Variants in CCNL1 observed in about 807,000 individuals in gnomAD.
The protein encoded by CCNL1 is cyclin L1, also known as cyclin-L1.
CCNL1 carries 13 observed loss-of-function variants against 60.6 expected under a neutral mutation model. The observed-to-expected ratio is 0.21, with a 90% CI of 0.14 to 0.34. The LOEUF is 0.34. CCNL1 is among the 10% of genes least tolerant of loss of function. The pLI, the probability that CCNL1 is intolerant of heterozygous loss-of-function variation, is 1.00. For missense variants in CCNL1, 481 were observed against 664.3 expected (o/e 0.72, Z 3.03); for synonymous variants, 270 against 244.3 (o/e 1.10, Z -0.98).
Position 157,152,474 on chromosome 3 carries a change from G to T in CCNL1, c.610-233C>A, listed in dbSNP as rs1483891630. The stretch of plus-strand genomic sequence containing the variant: ...TGTACAGGAAAAAAGGCAATTAAAA[G>T]AATATTTTTCATTGGCACTTTACTA... On this transcript the variant is annotated intron_variant, in intron 4 of 10. Coordinates refer to ENST00000295926, the MANE Select transcript of CCNL1 (RefSeq NM_020307.4). The T allele has an allele frequency of 5.7e-6, 7 of 1,219,588 alleles. No homozygotes were observed. The South Asian group carries it at 7.0e-5, about 12-fold the overall frequency. 75.5% of individuals were successfully genotyped at this position (1,219,588 alleles called of 1,614,324 possible).
chr3:157,147,746 A>T lies in CCNL1; in HGVS notation c.*495T>A, dbSNP rs1737842727. 2 of 984,096 alleles carry T rather than the reference A, an allele frequency of 2.0e-6. No individual in the cohort carries two copies. 61.0% of individuals were successfully genotyped at this position (984,096 alleles called of 1,614,324 possible). ...AGAAAACCAGTACAGCCATTTTGCT[A>T]TTAAAATTTTCCTTTTTAATAATTT... On this transcript the variant is annotated 3_prime_UTR_variant, in exon 11 of 11. Coordinates refer to ENST00000295926, the MANE Select transcript of CCNL1 (RefSeq NM_020307.4).
downstream of CCNL1, among the ~76,000 whole-genome samples, chr3:157,145,466 C>CAAAAAAAAAAAAAAAAAAAAAAAA (rs1737755942): frequency 1.2e-4 from 11 of 88,966 alleles, no homozygotes; most frequent in African/African-American, 3.7e-4. Context: ...AAAAAAAAAC[C>CAAAAAAAAAAAAAAAAAAAAAAAA]AAAACGGGAT....
At chr3:157,159,719 G>C (rs1488836278) in intron 1 of CCNL1, 73 bp downstream of exon 1, 2 of 1,323,102 alleles carry the variant, frequency 1.5e-6, no homozygotes, top group African/African-American at 1.5e-5. Context: ...GGGGCACGGT[G>C]ATACTGAGAT....
chr3:157,146,600 C>A (rs559072494), downstream of CCNL1: 97 of 384,500 alleles, frequency 2.5e-4, no homozygotes, highest in African/African-American at 2.2e-3. Flanking sequence ...CGTAGCAAGA[C>A]CTCGTCTCTA....
chr3:157,157,736 A>G (rs192110628), intron 3 of CCNL1, among the ~76,000 whole-genome samples: 6 of 152,334 alleles, frequency 3.9e-5, no homozygotes, highest in Non-Finnish European at 7.4e-5. Flanking sequence ...ATGTAGGAAA[A>G]CTGTTGCAGA....
intron 3 of CCNL1, chr3:157,153,582 C>T (rs1738361509): frequency 6.5e-6 from 1 of 155,022 alleles, no homozygotes; most frequent in African/African-American, 2.4e-5. Context: ...TCAGAACTTA[C>T]TAATATCAGT....
Position 157,152,156 on chromosome 3 carries a change from A to G in CCNL1, c.674+21T>C, listed in dbSNP as rs754210894. ...GCTTCTGTTTTCCTGGCTAGGAAAGAAATCTAAAAAAGTGACTTACCAGGC... is the reference window on the plus strand; with the variant it reads ...GCTTCTGTTTTCCTGGCTAGGAAAGGAATCTAAAAAAGTGACTTACCAGGC... On this transcript the variant is annotated intron_variant, in intron 5 of 10. Transcript: ENST00000295926. 3 of 1,605,904 alleles carry G rather than the reference A, an allele frequency of 1.9e-6. No individual in the cohort carries two copies. The Admixed American group carries it at 5.2e-5, about 28-fold the overall frequency.
At chr3:157,155,088 G>T (rs543052663) in intron 3 of CCNL1, among the ~76,000 whole-genome samples, 8 of 152,102 alleles carry the variant, frequency 5.3e-5, no homozygotes, top group African/African-American at 1.7e-4. Context: ...TTATCTAATG[G>T]CTCTCCTTAA....
chr3:157,147,268 TGTGA>T (rs1443158798), downstream of CCNL1, among the ~76,000 whole-genome samples: 1 of 152,202 alleles, frequency 6.6e-6, no homozygotes, highest in East Asian at 1.9e-4. Flanking sequence ...AAATAGTAAA[TGTGA>T]GTAACTTGAA....
At position 157,149,830 on chromosome 3, in the gene CCNL1, T is replaced by C; in HGVS notation, c.1021+6A>G. ...CCAAGTCATTTTAATTCTAAATACA[T>C]CTTACATGGCTTGGAGGCTGGAGAA... is the stretch of plus-strand genomic sequence containing the variant. On this transcript the variant is annotated splice_donor_region_variant and intron_variant, in intron 8 of 10. Coordinates refer to ENST00000295926, the MANE Select transcript of CCNL1 (RefSeq NM_020307.4). 6.2e-7 allele frequency: 1 copy of C among 1,612,332 alleles called. No individual in the cohort carries two copies.
At chr3:157,151,520 CA>C in intron 5 of CCNL1, 3 of 985,884 alleles carry the variant, frequency 3.0e-6, no homozygotes, top group Non-Finnish European at 3.6e-6. Context: ...TAAATTAAGC[CA>C]GTGTGGGAAC....
intron 3 of CCNL1, 120 bp downstream of exon 3, chr3:157,158,746 A>T (rs1738819265): frequency 3.2e-6 from 2 of 624,820 alleles, no homozygotes; most frequent in Admixed American, 6.0e-5. Context: ...TTAACACCTA[A>T]ATTAAAGTCC....
rs1410907056 is a variant in CCNL1 at position 157,155,407 on chromosome 3, TTTTC to T, written c.489-2255_489-2252del. 5.3e-5 allele frequency among the ~76,000 whole-genome samples: 8 copies of T among 152,288 alleles called. No homozygotes were observed. The East Asian group carries it at 1.5e-3, about 29-fold the overall frequency. ...TCCCAAATCAGACTTAATGATGCCA[TTTTC>T]TTTGTTTTTGTGTCAAAATGCCAAT... On this transcript the variant is annotated intron_variant, in intron 3 of 10. Transcript: ENST00000295926.
chr3:157,147,905 A>T lies in CCNL1; in HGVS notation c.*336T>A. ...ATCATTTAAACAAATAACCACTTAA[A>T]TAGAACAGTGTCTGCAATTTTATCT... On this transcript the variant is annotated 3_prime_UTR_variant, in exon 11 of 11. Coordinates refer to ENST00000295926, the MANE Select transcript of CCNL1 (RefSeq NM_020307.4). 2 of 1,027,052 alleles carry T rather than the reference A, an allele frequency of 1.9e-6. No homozygotes were observed. Among genetic ancestry groups the T allele is most frequent in the Non-Finnish European group, 2.3e-6 (2 of 857,398 alleles). 63.6% of individuals were successfully genotyped at this position (1,027,052 alleles called of 1,614,324 possible). A position where few individuals can be genotyped will look rare whatever the true frequency, so the allele number is the denominator to read the frequency against.
intron 3 of CCNL1, 122 bp from the exon 4 acceptor site, chr3:157,153,278 C>T: frequency 1.1e-6 from 1 of 895,266 alleles, no homozygotes; most frequent in South Asian, 1.7e-5. Flanking sequence ...TAAACTCCTG[C>T]AAACAAGTTA....
Position 157,151,189 on chromosome 3 carries a change from G to A in CCNL1, c.675-808C>T. ...GTCATGCATTTTATAAAAATAATGA[G>A]ACTTTTCTAACATTACAAATATTTA... On this transcript the variant is annotated intron_variant, in intron 5 of 10. Transcript: ENST00000295926. 3.0e-6 allele frequency: 3 copies of A among 984,954 alleles called. No individual in the cohort carries two copies. In the South Asian group the frequency reaches 1.4e-4, roughly 46 times the overall value. 61.0% of individuals were successfully genotyped at this position (984,954 alleles called of 1,614,324 possible). A position where few individuals can be genotyped will look rare whatever the true frequency, so the allele number is the denominator to read the frequency against.
Position 157,150,121 on chromosome 3 carries a change from C to T in CCNL1, c.823G>A (p.Glu275Lys). The change falls in exon 7 of 11, where the codon GAA becomes AAA. Residue 275 changes from glutamate (E) to lysine (K), a missense_variant. Glu to Lys is a moderately conservative substitution (Grantham distance 56). This residue lies in a region of CCNL1 where 75 missense variants were observed against 129.6 expected (regional missense o/e 0.58). Transcript: ENST00000295926. The part of the protein sequence containing the change: ...PHWFLLFGTT[E>K]EEIQEICIET... ...ATGCAGATTTCCTGGATTTCCTCTT[C>T]TGTAGTACCAAAAAGAAGAAACCAA... The T allele has an allele frequency of 6.2e-7, 1 of 1,613,246 alleles. No individual in the cohort carries two copies. Among genetic ancestry groups the T allele is most frequent in the Non-Finnish European group, 8.5e-7 (1 of 1,179,766 alleles).
chr3:157,159,548 T>G, intron 1 of CCNL1, 69 bp from the exon 2 acceptor site: 2 of 1,432,118 alleles, frequency 1.4e-6, no homozygotes, highest in East Asian at 2.4e-5. Context: ...GCCGCCATTT[T>G]GTGCCGCCGA....
Position 157,149,565 on chromosome 3 carries a change from T to C in CCNL1, c.1053A>G (p.Lys351=), listed in dbSNP as rs111870809. The part of the protein sequence containing the change: ...SSPREVKAEE[K]SPISINVKTV... ...TCTTCACATTAATGGAGATTGGTGATTTCTCTTCAGCTTTTACTTCTCTTG... is the reference window on the plus strand; with the variant it reads ...TCTTCACATTAATGGAGATTGGTGACTTCTCTTCAGCTTTTACTTCTCTTG... The change falls in exon 9 of 11, where the codon AAA becomes AAG. Residue 351 remains lysine, a synonymous_variant. Transcript: ENST00000295926. The C allele has an allele frequency of 3.1e-6, 5 of 1,614,006 alleles. No homozygotes were observed. Among genetic ancestry groups the C allele is most frequent in the African/African-American group, 2.7e-5 (2 of 75,026 alleles).
Sources: allele counts gnomAD v4.1 joint callset (sites outside exome capture counted in the v4.1 genomes callset), GRCh38; gene constraint gnomAD v4.1.1; regional missense constraint gnomAD v4.1.1; transcripts MANE v1.5; gene names NCBI Gene and HGNC (gene_info 2026-07-23, HGNC 2026-07-21).